Variants in AUTS2 observed in about 807,000 individuals in gnomAD.
The protein encoded by AUTS2 is autism susceptibility gene 2 protein.
Under a neutral mutation model 112.4 loss-of-function variants are expected in AUTS2, and 17 were observed. The ratio of observed to expected loss-of-function variants is 0.15; its 90% confidence interval spans 0.10 to 0.23. The LOEUF is 0.23. Among genes scored for constraint, AUTS2 ranks in the 10% least tolerant of loss-of-function variants. AUTS2 has a pLI of 1.00. For synonymous variants in AUTS2, 751 were observed against 702.7 expected, an observed-to-expected ratio of 1.07 and a Z score of -1.09; for missense variants, 1,510 against 1,701.6, an observed-to-expected ratio of 0.89 and a Z score of 1.98.
intron 2 of AUTS2, among the ~76,000 whole-genome samples, chr7:70,070,299 C>T (rs549122311): frequency 4.6e-5 from 7 of 151,712 alleles, no homozygotes; most frequent in Non-Finnish European, 7.4e-5. Context: ...TCAATGGATG[C>T]TGGGCGCAGT....
chr7:70,049,418 T>C (rs6963904), intron 2 of AUTS2, among the ~76,000 whole-genome samples: 55,687 of 151,418 alleles, frequency 0.37, 10,778 homozygotes, highest in African/African-American at 0.49. Context: ...CAACCTCCAC[T>C]TCCCAGGTTC....
At position 70,784,768 on chromosome 7, in the gene AUTS2, AAAAAAC is replaced by A. The variant is rs553945769; in HGVS notation, c.2147-172_2147-167del. The A allele has an allele frequency of 0.075, 17,848 of 238,256 alleles. 1,280 individuals carry two copies. Among genetic ancestry groups the A allele is most frequent in the East Asian group, 0.18 (1,830 of 10,124 alleles). The allele number at this position is 238,256 out of a possible 1,614,324, so 14.8% of individuals were successfully genotyped here. On this transcript the variant is annotated intron_variant, in intron 15 of 18. Coordinates refer to ENST00000342771, the MANE Select transcript of AUTS2 (RefSeq NM_015570.4). ...AAAAAAAAAAAAAAAAAAAAAAAAA[AAAAAAC>A]ACACATTTTCTTTTACCCTGTGTCT... is the stretch of plus-strand genomic sequence containing the variant.
chr7:70,398,747 A>G (rs1473653896), intron 4 of AUTS2, among the ~76,000 whole-genome samples: 1 of 152,164 alleles, frequency 6.6e-6, no homozygotes, highest in Non-Finnish European at 1.5e-5. Flanking sequence ...TAGAACCTCC[A>G]AAACAATATT....
intron 1 of AUTS2, among the ~76,000 whole-genome samples, chr7:69,615,464 G>A (rs543237411): frequency 2.0e-5 from 3 of 152,098 alleles, no homozygotes; most frequent in Non-Finnish European, 4.4e-5. Flanking sequence ...CACCACACCT[G>A]GCTAATTTTT....
chr7:69,879,313 T>C (rs1793937931), intron 1 of AUTS2, among the ~76,000 whole-genome samples: 1 of 127,630 alleles, frequency 7.8e-6, no homozygotes, highest in African/African-American at 3.3e-5. Context: ...CCGGCTATTT[T>C]TTTTTTCTTT....
chr7:69,910,976 C>A (rs1487854123), intron 2 of AUTS2, among the ~76,000 whole-genome samples: 1 of 152,224 alleles, frequency 6.6e-6, no homozygotes, highest in Non-Finnish European at 1.5e-5. Flanking sequence ...TACTCATTAT[C>A]ACGAGAACAG....
At chr7:70,630,257 A>G (rs13246814) in intron 5 of AUTS2, among the ~76,000 whole-genome samples, 1,985 of 151,970 alleles carry the variant, frequency 0.013, 31 homozygotes, top group Middle Eastern at 0.069. Flanking sequence ...GGGCCCGGTC[A>G]TCAATATGCT....
At chr7:70,101,895 T>C (rs1196835295) in intron 2 of AUTS2, among the ~76,000 whole-genome samples, 1 of 152,170 alleles carries the variant, frequency 6.6e-6, no homozygotes, top group Non-Finnish European at 1.5e-5. Flanking sequence ...TACTCTTTTA[T>C]CAAATATTCT....
intron 5 of AUTS2, among the ~76,000 whole-genome samples, chr7:70,496,166 C>T: frequency 7.9e-6 from 1 of 126,106 alleles, no homozygotes; most frequent in Non-Finnish European, 1.7e-5. Context: ...ACCACGTACA[C>T]AGTCACACAC....
intron 5 of AUTS2, among the ~76,000 whole-genome samples, chr7:70,597,831 C>T (rs1803280370): frequency 6.6e-6 from 1 of 152,174 alleles, no homozygotes; most frequent in South Asian, 2.1e-4. Context: ...CTTCAAGTAA[C>T]AATATTTATG....
At chr7:70,225,003 T>C (rs1301708662) in intron 4 of AUTS2, among the ~76,000 whole-genome samples, 1 of 152,206 alleles carries the variant, frequency 6.6e-6, no homozygotes, top group Non-Finnish European at 1.5e-5. Context: ...TAATGACACA[T>C]TTCTCAGAAC....
intron 5 of AUTS2, among the ~76,000 whole-genome samples, chr7:70,599,198 T>G (rs971313679): frequency 2.0e-5 from 3 of 152,142 alleles, no homozygotes; most frequent in Admixed American, 2.0e-4. Context: ...ATAGAGCATA[T>G]AAAAAAGAAA....
intron 6 of AUTS2, among the ~76,000 whole-genome samples, chr7:70,716,636 C>CAAAAAAAAAAAAAAAA (rs34972760): frequency 3.1e-5 from 2 of 64,950 alleles, no homozygotes; most frequent in African/African-American, 1.3e-4. Context: ...GACTCCGTCT[C>CAAAAAAAAAAAAAAAA]AAAAAAAAAA....
At position 70,757,411 on chromosome 7, in the gene AUTS2, C is replaced by T. The variant is rs367907414; in HGVS notation, c.743-5459C>T. Among the ~76,000 whole-genome samples, 104 of 152,134 alleles carry T rather than the reference C, an allele frequency of 6.8e-4. 1 individual carries two copies. The South Asian group carries it at 0.02, about 29-fold the overall frequency. On this transcript the variant is annotated intron_variant, in intron 6 of 18. Coordinates refer to ENST00000342771, the MANE Select transcript of AUTS2 (RefSeq NM_015570.4). ...GCTAGGTAATTATATTTTTTGTAAA[C>T]AGTTTTTCCTCTTTCTTTTGTTGTA...
chr7:70,430,909 C>A (rs954214120), intron 4 of AUTS2, among the ~76,000 whole-genome samples: 2 of 144,098 alleles, frequency 1.4e-5, no homozygotes, highest in Non-Finnish European at 3.0e-5. Context: ...GATCTCGGCT[C>A]ACTGCAAGCT....
chr7:70,125,315 G>A (rs1261750263), intron 3 of AUTS2, among the ~76,000 whole-genome samples: 1 of 150,894 alleles, frequency 6.6e-6, no homozygotes, highest in Non-Finnish European at 1.5e-5. Context: ...TACTTTCTTG[G>A]ACAAGACCAG....
At chr7:70,339,155 G>A (rs1277172960) in intron 4 of AUTS2, among the ~76,000 whole-genome samples, 9 of 152,006 alleles carry the variant, frequency 5.9e-5, no homozygotes, top group South Asian at 2.1e-4. Flanking sequence ...GAGCCACCGC[G>A]CCCGGCCTGG....
chr7:70,632,030 A>G (rs1284856514), intron 5 of AUTS2, among the ~76,000 whole-genome samples: 1 of 151,760 alleles, frequency 6.6e-6, no homozygotes, highest in Non-Finnish European at 1.5e-5. Flanking sequence ...TACAAGTGAT[A>G]AGCAGGACAA....
chr7:70,101,493 A>C (rs1391190162), intron 2 of AUTS2, among the ~76,000 whole-genome samples: 1 of 152,010 alleles, frequency 6.6e-6, no homozygotes, highest in African/African-American at 2.4e-5. Context: ...TCAGGAGTTA[A>C]AGACCAGCCT....
Sources: allele counts gnomAD v4.1 joint callset (sites outside exome capture counted in the v4.1 genomes callset), GRCh38; gene constraint gnomAD v4.1.1; transcripts MANE v1.5; gene names NCBI Gene and HGNC (gene_info 2026-07-23, HGNC 2026-07-21).